The following FDX1 variants were observed in gnomAD, a reference collection of about 807,000 sequenced individuals.
The protein encoded by FDX1 is adrenodoxin, mitochondrial.
FDX1 carries 9 observed loss-of-function variants against 14.9 expected under a neutral mutation model. The ratio of observed to expected loss-of-function variants is 0.60; its 90% CI spans 0.36 to 1.05. FDX1 has a LOEUF of 1.05. FDX1 is among the 50% of genes least tolerant of loss of function. FDX1 has a pLI of 0.01. For missense variants in FDX1, 204 were observed against 237.2 expected (o/e 0.86, Z 0.92); for synonymous variants, 92 against 99.4 (o/e 0.93, Z 0.44).
At position 110,430,189 on chromosome 11, in the gene FDX1, G is replaced by T; in HGVS notation, c.69G>T (p.Arg23=). 8.1e-7 allele frequency: 1 copy of T among 1,230,010 alleles called. No individual in the cohort carries two copies. Among genetic ancestry groups the T allele is most frequent in the Non-Finnish European group, 1.0e-6 (1 of 988,650 alleles). 76.2% of individuals were successfully genotyped at this position (1,230,010 alleles called of 1,614,324 possible). A position where few individuals can be genotyped will look rare whatever the true frequency, so the allele number is the denominator to read the frequency against. ...CTGTCCTCGGCGGCCCGGCCGGCCG[G>T]TGGCTGCACCACGCTGGGTCCCGCG... ...ASAVLGGPAG[R]WLHHAGSRAG... is the part of the protein sequence containing the mutation. Residue 23 remains arginine (R), a synonymous_variant, in exon 1 of 4, where the codon CGG becomes CGT. Transcript: ENST00000260270.
chr11:110,442,027 G>A (rs927572812), intron 2 of FDX1, among the ~76,000 whole-genome samples: 1 of 152,248 alleles, frequency 6.6e-6, no homozygotes, highest in African/African-American at 2.4e-5. Flanking sequence ...TTCAGAGTGT[G>A]CAAACCTCAA....
chr11:110,452,368 G>A (rs751739741), intron 2 of FDX1, among the ~76,000 whole-genome samples: 11 of 152,106 alleles, frequency 7.2e-5, no homozygotes, highest in Non-Finnish European at 1.5e-4. Context: ...TCCCGGCTAT[G>A]TAAAAAGCTC....
chr11:110,462,513 A>G lies in FDX1; in HGVS notation c.*45A>G, dbSNP rs768175687. The G allele has an allele frequency of 9.6e-7, 1 of 1,042,832 alleles. No individual in the cohort carries two copies. The highest frequency in any genetic ancestry group is 2.6e-5 in the East Asian group (1 of 38,872). 64.6% of individuals were successfully genotyped at this position (1,042,832 alleles called of 1,614,324 possible). On this transcript the variant is annotated 3_prime_UTR_variant, in exon 4 of 4. Transcript: ENST00000260270. Reference sequence around the variant, plus strand: ...TTTTCATGGAATTTTACCTATTTTTATAATTATTATTTCTTAAAGTGATTA... The same window carrying G: ...TTTTCATGGAATTTTACCTATTTTTGTAATTATTATTTCTTAAAGTGATTA...
At position 110,429,991 on chromosome 11, in the gene FDX1, A is replaced by C; in HGVS notation, c.-130A>C. The C allele has an allele frequency of 5.4e-6, 3 of 552,864 alleles. No individual in the cohort carries two copies. Among genetic ancestry groups the C allele is most frequent in the Non-Finnish European group, 7.9e-6 (3 of 381,016 alleles). 34.2% of individuals were successfully genotyped at this position (552,864 alleles called of 1,614,324 possible). A position where few individuals can be genotyped will look rare whatever the true frequency, so the allele number is the denominator to read the frequency against. ...GTGCTTCCAGCAGGGTCTCTCCGCC[A>C]CTCCAGCCCCGCGCCCCTCGCCGCG... On this transcript the variant is annotated 5_prime_UTR_variant, in exon 1 of 4. Coordinates refer to ENST00000260270, the MANE Select transcript of FDX1 (RefSeq NM_004109.5).
At chr11:110,429,567 T>G (rs891649543), upstream of FDX1, among the ~76,000 whole-genome samples, 4 of 152,228 alleles carry the variant, frequency 2.6e-5, no homozygotes, top group Admixed American at 2.0e-4. Context: ...TATTTCTTTG[T>G]ATAATAGCAT....
chr11:110,443,277 A>G (rs950149783), intron 2 of FDX1, among the ~76,000 whole-genome samples: 1 of 144,804 alleles, frequency 6.9e-6, no homozygotes, highest in Non-Finnish European at 1.5e-5. Flanking sequence ...CTGCCCCGCT[A>G]CCTTTTTTTT....
In FDX1 at chr11:110,430,151, C is replaced by T. The variant is rs1290696223; in HGVS notation, c.31C>T (p.Arg11Cys). ...TGCCGCTGGGGGCGCCCGGCTGCTG[C>T]GCGCCGCTTCTGCTGTCCTCGGCGG... MAAAGGARLL[R>C]AASAVLGGPA... Residue 11 changes from arginine (R) to cysteine (C), a missense_variant, in exon 1 of 4, where the codon CGC becomes TGC. Transcript: ENST00000260270. The T allele has an allele frequency of 4.8e-6, 6 of 1,242,326 alleles. No homozygotes were observed. In the South Asian group the frequency reaches 1.7e-4, roughly 36 times the overall value. The allele number at this position is 1,242,326 out of a possible 1,614,324, so 77.0% of individuals were successfully genotyped here. A position where few individuals can be genotyped will look rare whatever the true frequency, so the allele number is the denominator to read the frequency against.
At chr11:110,434,330 A>G (rs1946352178) in intron 1 of FDX1, among the ~76,000 whole-genome samples, 1 of 107,718 alleles carries the variant, frequency 9.3e-6, no homozygotes, top group Non-Finnish European at 1.9e-5. Flanking sequence ...CAATCGCCCT[A>G]TTGATTTTTT....
At chr11:110,459,317 A>G (rs79988396) in intron 3 of FDX1, among the ~76,000 whole-genome samples, 2,573 of 152,346 alleles carry the variant, frequency 0.017, 67 homozygotes, top group African/African-American at 0.054. Flanking sequence ...TGGAGAAAGC[A>G]TTCATTAAAT....
At position 110,463,933 on chromosome 11, in the gene FDX1, G is replaced by T. The variant is rs894706101; in HGVS notation, c.*1465G>T. 6.7e-6 allele frequency: 1 copy of T among 150,272 alleles called. No individual in the cohort carries two copies. Among genetic ancestry groups the T allele is most frequent in the Non-Finnish European group, 1.5e-5 (1 of 67,760 alleles). 9.3% of individuals were successfully genotyped at this position (150,272 alleles called of 1,614,324 possible). ...TTTTTTTTTGGTGGGGGGAGCGGGG[G>T]ACAGGGTCTTACTCTGTCACTCAGG... is the stretch of plus-strand genomic sequence containing the variant. On this transcript the variant is annotated 3_prime_UTR_variant, in exon 4 of 4. Transcript: ENST00000260270.
At chr11:110,453,592 T>C (rs1946500949) in intron 2 of FDX1, among the ~76,000 whole-genome samples, 1 of 151,892 alleles carries the variant, frequency 6.6e-6, no homozygotes, top group Non-Finnish European at 1.5e-5. Context: ...CCTTTTTGGT[T>C]AGGTGTCTCC....
At chr11:110,458,826 C>T (rs1355782347) in intron 3 of FDX1, among the ~76,000 whole-genome samples, 3 of 152,046 alleles carry the variant, frequency 2.0e-5, no homozygotes, top group South Asian at 2.1e-4. Flanking sequence ...CAGGCTGTCT[C>T]GAACTCCTGA....
intron 1 of FDX1, among the ~76,000 whole-genome samples, chr11:110,434,739 T>G (rs1422814248): frequency 1.4e-5 from 2 of 140,770 alleles, no homozygotes; most frequent in Non-Finnish European, 3.0e-5. Context: ...TTTTTTTTTT[T>G]TTTTTTTTTG....
intron 2 of FDX1, among the ~76,000 whole-genome samples, chr11:110,445,621 A>T: frequency 6.6e-6 from 1 of 152,238 alleles, no homozygotes; most frequent in East Asian, 1.9e-4. Flanking sequence ...ACAGTTAAAT[A>T]AAGTTTTTTC....
intron 1 of FDX1, among the ~76,000 whole-genome samples, chr11:110,431,095 A>T (rs1441615513): frequency 7.2e-6 from 1 of 138,676 alleles, no homozygotes; most frequent in African/African-American, 2.9e-5. Flanking sequence ...AGTAGATGCC[A>T]CTTGGTAGCA....
In FDX1 at chr11:110,435,837, A is replaced by G; in HGVS notation, c.189A>G (p.Ser63=). The part of the protein sequence containing the change: ...LSVSARARSS[S]EDKITVHFIN... The stretch of plus-strand genomic sequence containing the variant: ...AAAGGACTGTTTTTTTTTCCAGCTC[A>G]GAAGATAAAATAACAGTCCACTTTA... The change falls in exon 2 of 4, where the codon TCA becomes TCG. Residue 63 remains serine (S), a synonymous_variant. Coordinates refer to ENST00000260270, the MANE Select transcript of FDX1 (RefSeq NM_004109.5). 1 of 1,592,440 alleles carries G rather than the reference A, an allele frequency of 6.3e-7. No homozygotes were observed. The highest frequency in any genetic ancestry group is 8.5e-7 in the Non-Finnish European group (1 of 1,169,972).
chr11:110,437,892 T>C (rs1158771275), intron 2 of FDX1, among the ~76,000 whole-genome samples: 1 of 152,214 alleles, frequency 6.6e-6, no homozygotes, highest in Non-Finnish European at 1.5e-5. Flanking sequence ...ACACTTTGCT[T>C]TTCTGGTTCT....
At chr11:110,431,889 A>G (rs2134564197) in intron 1 of FDX1, among the ~76,000 whole-genome samples, 1 of 152,300 alleles carries the variant, frequency 6.6e-6, no homozygotes, top group African/African-American at 2.4e-5. Flanking sequence ...TGGATTTTCC[A>G]GTTCTTACTG....
At position 110,464,660 on chromosome 11, in the gene FDX1, C is replaced by G. The variant is rs138935270; in HGVS notation, c.*2192C>G. On this transcript the variant is annotated 3_prime_UTR_variant, in exon 4 of 4. Coordinates refer to ENST00000260270, the MANE Select transcript of FDX1 (RefSeq NM_004109.5). ...GCAGTGCTATAATTTTAAAGTACTT[C>G]AAAGCCAATTTATTCTCTTAATTAG... 1 of 152,142 alleles carries G rather than the reference C, an allele frequency of 6.6e-6. No individual in the cohort carries two copies. The highest frequency in any genetic ancestry group is 1.5e-5 in the Non-Finnish European group (1 of 68,026). The allele number at this position is 152,142 out of a possible 1,614,324, so 9.4% of individuals were successfully genotyped here.
Sources: allele counts gnomAD v4.1 joint callset (sites outside exome capture counted in the v4.1 genomes callset), GRCh38; gene constraint gnomAD v4.1.1; transcripts MANE v1.5; gene names NCBI Gene and HGNC (gene_info 2026-07-23, HGNC 2026-07-21).